Variants in PITPNC1 observed in about 807,000 individuals in gnomAD.
The protein encoded by PITPNC1 is cytoplasmic phosphatidylinositol transfer protein 1.
Under a neutral mutation model 44.7 loss-of-function variants are expected in PITPNC1, and 18 were observed. The ratio of observed to expected loss-of-function variants is 0.40; its 90% confidence interval spans 0.28 to 0.60. PITPNC1 has a LOEUF of 0.60. Among genes scored for constraint, PITPNC1 ranks in the 20% least tolerant of loss-of-function variants. The probability of loss-of-function intolerance (pLI) is 0.39; values close to 1 mark genes in which losing one functional copy is unlikely to be tolerated. For missense variants in PITPNC1, 290 were observed against 418.4 expected, an observed-to-expected ratio of 0.69 and a Z score of 2.68; for synonymous variants, 141 against 149.6, an observed-to-expected ratio of 0.94 and a Z score of 0.42.
intron 1 of PITPNC1, among the ~76,000 whole-genome samples, chr17:67,384,262 C>T (rs2038007612): frequency 6.6e-6 from 1 of 152,024 alleles, no homozygotes; most frequent in African/African-American, 2.4e-5. Flanking sequence ...ATATTATTTT[C>T]TTTTTTGCCC....
At chr17:67,640,575 G>A (rs2042081792) in intron 6 of PITPNC1, among the ~76,000 whole-genome samples, 1 of 151,426 alleles carries the variant, frequency 6.6e-6, no homozygotes, top group African/African-American at 2.4e-5. Flanking sequence ...AGCTACTCAG[G>A]AGGCTGAGGC....
At chr17:67,387,040 G>T (rs1232239614) in intron 1 of PITPNC1, among the ~76,000 whole-genome samples, 1 of 152,194 alleles carries the variant, frequency 6.6e-6, no homozygotes, top group Non-Finnish European at 1.5e-5. Flanking sequence ...GGAAAATGTA[G>T]AGTTGTCTGG....
At chr17:67,498,864 T>TG (rs1279507338) in intron 1 of PITPNC1, among the ~76,000 whole-genome samples, 17 of 121,796 alleles carry the variant, frequency 1.4e-4, no homozygotes, top group South Asian at 6.2e-4. Flanking sequence ...TTGTTTTTTT[T>TG]TTTGTTTGTT....
intron 1 of PITPNC1, among the ~76,000 whole-genome samples, chr17:67,394,827 G>A (rs1013360153): frequency 2.6e-5 from 4 of 151,980 alleles, no homozygotes; most frequent in Non-Finnish European, 2.9e-5. Flanking sequence ...CCCGGGAGGC[G>A]GAGCTTGCAG....
chr17:67,600,302 A>G (rs889693171), intron 5 of PITPNC1, among the ~76,000 whole-genome samples: 1 of 152,152 alleles, frequency 6.6e-6, no homozygotes, highest in Non-Finnish European at 1.5e-5. Flanking sequence ...CCACTCAAAA[A>G]CGACCCCGCA....
At chr17:67,425,248 CACACACACACACACAG>C (rs1299572234) in intron 1 of PITPNC1, among the ~76,000 whole-genome samples, 97 of 116,940 alleles carry the variant, frequency 8.3e-4, no homozygotes, top group Non-Finnish European at 8.5e-4. Flanking sequence ...CACACACACA[CACACACACACACACAG>C]AGGGAGAGAG....
At chr17:67,397,233 G>A (rs535317450) in intron 1 of PITPNC1, among the ~76,000 whole-genome samples, 1 of 151,958 alleles carries the variant, frequency 6.6e-6, no homozygotes, top group South Asian at 2.1e-4. Flanking sequence ...CACCCGCCTC[G>A]GCCTCTCAAA....
intron 1 of PITPNC1, among the ~76,000 whole-genome samples, chr17:67,509,370 AAAAAT>A (rs2040149564): frequency 1.3e-5 from 2 of 150,170 alleles, no homozygotes; most frequent in African/African-American, 4.9e-5. Flanking sequence ...CATCTCTACT[AAAAAT>A]AAAATAAAAT....
At chr17:67,487,156 C>A (rs967855356) in intron 1 of PITPNC1, among the ~76,000 whole-genome samples, 1 of 152,080 alleles carries the variant, frequency 6.6e-6, no homozygotes, top group Non-Finnish European at 1.5e-5. Flanking sequence ...TTATGTTAGA[C>A]CACCCCAACC....
At chr17:67,598,005 C>T (rs549126094) in intron 5 of PITPNC1, among the ~76,000 whole-genome samples, 10 of 152,156 alleles carry the variant, frequency 6.6e-5, no homozygotes, top group East Asian at 1.9e-4. Context: ...AGGCGGATCA[C>T]GAGGTCAGGA....
chr17:67,690,656 G>A (rs1414212187), intron 8 of PITPNC1, among the ~76,000 whole-genome samples: 1 of 152,030 alleles, frequency 6.6e-6, no homozygotes, highest in East Asian at 1.9e-4. Flanking sequence ...AACAGATACA[G>A]AAAATCCGCG....
chr17:67,574,388 G>A (rs1412326912), intron 4 of PITPNC1, among the ~76,000 whole-genome samples: 1 of 152,196 alleles, frequency 6.6e-6, no homozygotes, highest in Non-Finnish European at 1.5e-5. Context: ...ATGGAGGAAA[G>A]GGATGTGTCA....
intron 2 of PITPNC1, among the ~76,000 whole-genome samples, chr17:67,537,873 G>A (rs913361864): frequency 5.9e-5 from 9 of 151,914 alleles, no homozygotes; most frequent in African/African-American, 2.2e-4. Flanking sequence ...TCTGGAGGCT[G>A]AGGCAGGAGA....
chr17:67,571,210 C>T (rs539368787), intron 4 of PITPNC1, among the ~76,000 whole-genome samples: 2 of 152,210 alleles, frequency 1.3e-5, no homozygotes, highest in African/African-American at 2.4e-5. Context: ...GTTGGAGGAT[C>T]GCTTGAGCTC....
intron 5 of PITPNC1, among the ~76,000 whole-genome samples, chr17:67,614,122 C>T (rs1460952817): frequency 1.3e-5 from 2 of 151,266 alleles, no homozygotes; most frequent in Middle Eastern, 3.4e-3. Context: ...GAAAAAAGAG[C>T]GCTAGGCTTG....
intron 1 of PITPNC1, among the ~76,000 whole-genome samples, chr17:67,497,765 C>T (rs1351535452): frequency 6.6e-6 from 1 of 150,934 alleles, no homozygotes; most frequent in Non-Finnish European, 1.5e-5. Flanking sequence ...TGCACTCAAG[C>T]AGTCTGCCTG....
Position 67,451,108 on chromosome 17 carries a change from T to G in PITPNC1, c.48+72906T>G, listed in dbSNP as rs1272579487. Among the ~76,000 whole-genome samples, 5 of 152,310 alleles carry G rather than the reference T, an allele frequency of 3.3e-5. No homozygotes were observed. In the East Asian group the frequency reaches 5.8e-4, roughly 18 times the overall value. On this transcript the variant is annotated intron_variant, in intron 1 of 8. Coordinates refer to ENST00000581322, the MANE Select transcript of PITPNC1 (RefSeq NM_012417.4). ...GTGCAGTGGCACGATCTTGGCTCACTGCAACTTCCGCCTCCTGGGTTCAAG... is the reference window on the plus strand; with the variant it reads ...GTGCAGTGGCACGATCTTGGCTCACGGCAACTTCCGCCTCCTGGGTTCAAG...
intron 1 of PITPNC1, among the ~76,000 whole-genome samples, chr17:67,412,810 C>T (rs1204573303): frequency 6.6e-6 from 1 of 152,234 alleles, no homozygotes; most frequent in African/African-American, 2.4e-5. Flanking sequence ...AGGTGATCCT[C>T]CCGCTTTGGC....
chr17:67,631,657 A>ATATATATATATATATATATAT (rs10524740), intron 5 of PITPNC1, among the ~76,000 whole-genome samples: 4 of 7,672 alleles, frequency 5.2e-4, no homozygotes, highest in Admixed American at 2.2e-3. Context: ...AAAAAAAAAA[A>ATATATATATATATATATATAT]ATATATATAT....
Sources: allele counts gnomAD v4.1 joint callset (sites outside exome capture counted in the v4.1 genomes callset), GRCh38; gene constraint gnomAD v4.1.1; transcripts MANE v1.5; gene names NCBI Gene and HGNC (gene_info 2026-07-23, HGNC 2026-07-21).